RAD9B: variants seen among roughly 807,000 people sequenced by gnomAD.
RAD9B encodes the protein cell cycle checkpoint control protein RAD9B.
A neutral mutation model predicts 48.3 loss-of-function variants in RAD9B; 41 were observed. The ratio of observed to expected loss-of-function variants is 0.85; its 90% CI spans 0.66 to 1.10. The LOEUF is 1.10. Ranked by LOEUF, RAD9B falls within the 50% of genes least tolerant of loss-of-function variation. The pLI, the probability that RAD9B is intolerant of heterozygous loss-of-function variation, is 0.00. For missense variants in RAD9B, 444 were observed against 485.1 expected (o/e 0.92, Z 0.80); for synonymous variants, 160 against 157.9 (o/e 1.01, Z -0.10).
intron 6 of RAD9B, among the ~76,000 whole-genome samples, chr12:110,517,239 G>A (rs1317130027): frequency 6.6e-6 from 1 of 152,060 alleles, no homozygotes; most frequent in East Asian, 1.9e-4. Flanking sequence ...GAGGCAAGGG[G>A]ATCACTTGAG....
chr12:110,521,709 C>G (rs2135717290), intron 9 of RAD9B, among the ~76,000 whole-genome samples: 1 of 152,042 alleles, frequency 6.6e-6, no homozygotes, highest in East Asian at 1.9e-4. Context: ...GTGCCTGCCA[C>G]CACGCCCGGC....
At position 110,522,364 on chromosome 12, in the gene RAD9B, A is replaced by C. The variant is rs1173584164; in HGVS notation, c.1078A>C (p.Ser360Arg). Reference sequence around the variant, plus strand: ...AGATGTCAGTGAAGTATCAGAAAGCAGTGTCAGCAACACAGAGGAAGTGCC... The same window carrying C: ...AGATGTCAGTGAAGTATCAGAAAGCCGTGTCAGCAACACAGAGGAAGTGCC... Reference protein sequence around the residue: ...DGDVSEVSESSVSNTEEVPGS... With the variant: ...DGDVSEVSESRVSNTEEVPGS... The change falls in exon 10 of 11, where the codon AGT (serine) becomes CGT (arginine). Residue 360 changes from serine to arginine, a missense_variant. Ser to Arg is a moderately radical substitution (Grantham distance 110). Transcript: ENST00000409300. 6.8e-6 allele frequency: 11 copies of C among 1,613,334 alleles called. No homozygotes were observed. The highest frequency in any genetic ancestry group is 9.3e-6 in the Non-Finnish European group (11 of 1,179,658).
At position 110,531,782 on chromosome 12, in the gene RAD9B, T is replaced by C; in HGVS notation, c.*1129T>C. 1.5e-6 allele frequency: 1 copy of C among 659,610 alleles called. No homozygotes were observed. 40.9% of individuals were successfully genotyped at this position (659,610 alleles called of 1,614,324 possible). On this transcript the variant is annotated 3_prime_UTR_variant, in exon 11 of 11. Transcript: ENST00000409300. ...TGGCACAAAACATTGTTATGTAATG[T>C]CTTATGATGTGTGCCTCTCCCTCCC...
At position 110,519,923 on chromosome 12, in the gene RAD9B, CTG is replaced by C. The variant is rs2063724059; in HGVS notation, c.890+11_890+12del. The C allele has an allele frequency of 1.9e-6, 3 of 1,609,596 alleles. No homozygotes were observed. The highest frequency in any genetic ancestry group is 2.5e-6 in the Non-Finnish European group (3 of 1,178,522). The stretch of plus-strand genomic sequence containing the variant: ...TTTCACAGAAACGAAAAAGGTAAGA[CTG>C]TGTTTTAACTTCTTTATTACTTGGG... On this transcript the variant is annotated splice_region_variant and intron_variant, in intron 9 of 10. Coordinates refer to ENST00000409300, the MANE Select transcript of RAD9B (RefSeq NM_001286535.2).
intron 10 of RAD9B, among the ~76,000 whole-genome samples, chr12:110,524,164 C>G (rs1462537856): frequency 6.6e-6 from 1 of 152,200 alleles, no homozygotes; most frequent in Non-Finnish European, 1.5e-5. Context: ...TTTATTTTGC[C>G]TTCAGTTTCC....
chr12:110,507,508 TATAATACATA>T lies in RAD9B; in HGVS notation c.388+819_388+828del, dbSNP rs1261905807. 2.0e-3 allele frequency among the ~76,000 whole-genome samples: 57 copies of T among 28,218 alleles called. No individual in the cohort carries two copies. In the East Asian group the frequency reaches 0.024, roughly 12 times the overall value. 18.5% of individuals were successfully genotyped at this position (28,218 alleles called of 152,430 possible). ...TATAATACATAATATATGTATTAAA[TATAATACATA>T]ATATATGTATTAAATATAATACATA... is the stretch of plus-strand genomic sequence containing the variant. On this transcript the variant is annotated intron_variant, in intron 4 of 10. Transcript: ENST00000409300.
chr12:110,519,198 G>C (rs2063698858), intron 8 of RAD9B, among the ~76,000 whole-genome samples: 1 of 152,078 alleles, frequency 6.6e-6, no homozygotes, highest in Non-Finnish European at 1.5e-5. Flanking sequence ...CTGCCTCCCG[G>C]GTTCAAGCAA....
In RAD9B at chr12:110,506,645, A is replaced by G. The variant is rs753856328; in HGVS notation, c.340A>G (p.Thr114Ala). The stretch of plus-strand genomic sequence containing the variant: ...AAATATAGAGAAGTGCAGAATATTC[A>G]CCAGATCTGATAAATGCAAAGTAGT... ...ERNIEKCRIF[T>A]RSDKCKVVIQ... Residue 114 changes from threonine (T) to alanine (A), a missense_variant, in exon 4 of 11, where the codon ACC becomes GCC. Thr to Ala is a moderately conservative substitution (Grantham distance 58, BLOSUM62 0). Transcript: ENST00000409300. 2 of 1,604,602 alleles carry G rather than the reference A, an allele frequency of 1.2e-6. No homozygotes were observed. Among genetic ancestry groups the G allele is most frequent in the Non-Finnish European group, 1.7e-6 (2 of 1,171,876 alleles).
At chr12:110,513,397 A>G (rs2063519415) in intron 5 of RAD9B, among the ~76,000 whole-genome samples, 4 of 152,130 alleles carry the variant, frequency 2.6e-5, no homozygotes. Flanking sequence ...GACCCAAGAA[A>G]GTTCTAAAAA....
At chr12:110,527,237 G>A (rs2063974257) in intron 10 of RAD9B, among the ~76,000 whole-genome samples, 1 of 152,000 alleles carries the variant, frequency 6.6e-6, no homozygotes, top group Non-Finnish European at 1.5e-5. Flanking sequence ...CCACACAGCC[G>A]CACTCTGACC....
chr12:110,524,334 G>A (rs1377124595), intron 10 of RAD9B, among the ~76,000 whole-genome samples: 4 of 152,084 alleles, frequency 2.6e-5, no homozygotes, highest in Admixed American at 1.3e-4. Flanking sequence ...AGGCAGAGGC[G>A]GGCAGATCAC....
At position 110,522,183 on chromosome 12, in the gene RAD9B, T is replaced by C. The variant is rs1177050606; in HGVS notation, c.897T>C (p.Asp299=). The change falls in exon 10 of 11, where the codon GAT becomes GAC. Residue 299 remains aspartate (D), a synonymous_variant. Coordinates refer to ENST00000409300, the MANE Select transcript of RAD9B (RefSeq NM_001286535.2). ...ATGCCTATTAATACCTCAGGTCAGA[T>C]CTGATTGAAAAAAAGGCTGGCAAAA... is the stretch of plus-strand genomic sequence containing the variant. ...LCLSQKRKRS[D]LIEKKAGKNV... 6.3e-7 allele frequency: 1 copy of C among 1,576,768 alleles called. No homozygotes were observed. Among genetic ancestry groups the C allele is most frequent in the South Asian group, 1.2e-5 (1 of 86,104 alleles).
At chr12:110,508,728 C>T (rs1168702298) in intron 4 of RAD9B, among the ~76,000 whole-genome samples, 1 of 152,062 alleles carries the variant, frequency 6.6e-6, no homozygotes, top group African/African-American at 2.4e-5. Flanking sequence ...TCCCAGAGTG[C>T]TGGGATTACA....
intron 10 of RAD9B, among the ~76,000 whole-genome samples, chr12:110,527,226 T>G (rs934181525): frequency 6.6e-6 from 1 of 152,162 alleles, no homozygotes; most frequent in Non-Finnish European, 1.5e-5. Context: ...GGCCGTTTTT[T>G]CCACACAGCC....
rs920342628 is a variant in RAD9B at position 110,517,623 on chromosome 12, C to CA, written c.596-1043dup. On this transcript the variant is annotated intron_variant, in intron 6 of 10. Coordinates refer to ENST00000409300, the MANE Select transcript of RAD9B (RefSeq NM_001286535.2). ...TGGGCAACAGAATGAGACTCCATCTCAAAAAAAAAATAATAAAAACATTAA... is the reference window on the plus strand; with the variant it reads ...TGGGCAACAGAATGAGACTCCATCTCAAAAAAAAAAATAATAAAAACATTAA... 6.4e-3 allele frequency among the ~76,000 whole-genome samples: 930 copies of CA among 145,184 alleles called. 14 individuals carry two copies. The highest frequency in any genetic ancestry group is 0.021 in the African/African-American group (846 of 39,560).
chr12:110,519,135 A>G (rs901704979), intron 8 of RAD9B, among the ~76,000 whole-genome samples, 197 bp downstream of exon 8: 10 of 152,230 alleles, frequency 6.6e-5, no homozygotes, highest in African/African-American at 2.4e-4. Context: ...ACGGAGTCTC[A>G]CTCTGTCGCC....
In RAD9B at chr12:110,518,663, TA is replaced by T; in HGVS notation, c.596-11del. The T allele has an allele frequency of 6.6e-7, 1 of 1,525,190 alleles. No individual in the cohort carries two copies. The highest frequency in any genetic ancestry group is 8.9e-7 in the Non-Finnish European group (1 of 1,126,180). 94.5% of individuals were successfully genotyped at this position (1,525,190 alleles called of 1,614,324 possible). A position where few individuals can be genotyped will look rare whatever the true frequency, so the allele number is the denominator to read the frequency against. Reference sequence around the variant, plus strand: ...ACTAATTTTATTCTTTATTTTCCCATAATATTAAACAGATTTGAGCAATGCT... The same window carrying T: ...ACTAATTTTATTCTTTATTTTCCCATATATTAAACAGATTTGAGCAATGCT... On this transcript the variant is annotated splice_polypyrimidine_tract_variant and intron_variant, in intron 6 of 10. Transcript: ENST00000409300.
At chr12:110,509,063 C>A (rs1399729494) in intron 4 of RAD9B, among the ~76,000 whole-genome samples, 1 of 152,168 alleles carries the variant, frequency 6.6e-6, no homozygotes, top group Non-Finnish European at 1.5e-5. Context: ...CTCCTGGGTT[C>A]ACGCCATTCT....
Position 110,531,643 on chromosome 12 carries a change from C to T in RAD9B, c.*990C>T, listed in dbSNP as rs761821002. 5.0e-6 allele frequency: 8 copies of T among 1,608,488 alleles called. No individual in the cohort carries two copies. In the South Asian group the frequency reaches 7.7e-5, roughly 16 times the overall value. On this transcript the variant is annotated 3_prime_UTR_variant, in exon 11 of 11. Transcript: ENST00000409300. ...TGTATTATCTGACATAGAACAGTAT[C>T]CTCCACTGCCAAGACAGCCTGAGTT...
Sources: allele counts gnomAD v4.1 joint callset (sites outside exome capture counted in the v4.1 genomes callset), GRCh38; gene constraint gnomAD v4.1.1; transcripts MANE v1.5; gene names NCBI Gene and HGNC (gene_info 2026-07-23, HGNC 2026-07-21).